NEGR1: variants seen among roughly 807,000 people sequenced by gnomAD.
NEGR1 encodes IgLON family member 4.
In NEGR1, 10 loss-of-function variants were observed where a neutral mutation model predicts 40.9. The ratio of observed to expected loss-of-function variants is 0.24; its 90% CI spans 0.15 to 0.42. The LOEUF is 0.42. Ranked by LOEUF, NEGR1 falls within the 10% of genes least tolerant of loss-of-function variation. The pLI, the probability that NEGR1 is intolerant of heterozygous loss-of-function variation, is 1.00. For missense variants in NEGR1, 352 were observed against 438.9 expected (o/e 0.80, Z 1.77); for synonymous variants, 185 against 166.8 (o/e 1.11, Z -0.84).
At position 71,910,379 on chromosome 1, in the gene NEGR1, C is replaced by T. The variant is rs531906114; in HGVS notation, c.409+24700G>A. Among the ~76,000 whole-genome samples the T allele has an allele frequency of 1.6e-3, 250 of 152,262 alleles. 1 individual carries two copies. Among genetic ancestry groups the T allele is most frequent in the Middle Eastern group, 0.01 (3 of 294 alleles). The stretch of plus-strand genomic sequence containing the variant: ...TTGCAGGTAACGAAATACCTGGATA[C>T]CTAATAAGTACCAACAACCCTCAAA... On this transcript the variant is annotated intron_variant, in intron 2 of 6. Transcript: ENST00000357731.
chr1:71,464,450 C>G, intron 6 of NEGR1, among the ~76,000 whole-genome samples: 1 of 152,124 alleles, frequency 6.6e-6, no homozygotes, highest in East Asian at 1.9e-4. Context: ...AAGCAACAAA[C>G]AATATCTAAT....
intron 6 of NEGR1, among the ~76,000 whole-genome samples, chr1:71,575,985 C>G (rs532373936): frequency 1.3e-5 from 2 of 152,260 alleles, no homozygotes; most frequent in South Asian, 4.1e-4. Context: ...TGTCCCCAGT[C>G]TGCAGCGGTA....
At chr1:72,053,414 CT>C (rs1219854099) in intron 1 of NEGR1, among the ~76,000 whole-genome samples, 9 of 150,400 alleles carry the variant, frequency 6.0e-5, no homozygotes, top group Non-Finnish European at 1.0e-4. Context: ...CAAAAATATA[CT>C]TTATACAATA....
chr1:71,629,172 CT>C (rs1168613476), intron 4 of NEGR1, among the ~76,000 whole-genome samples: 3 of 152,030 alleles, frequency 2.0e-5, no homozygotes, highest in African/African-American at 4.8e-5. Flanking sequence ...TGATAATGAG[CT>C]TTTTTTCATA....
chr1:72,126,088 AGTAT>A (rs1402312436), intron 1 of NEGR1, among the ~76,000 whole-genome samples: 125 of 129,416 alleles, frequency 9.7e-4, no homozygotes, highest in South Asian at 7.9e-3. Context: ...ATTAGAGAAA[AGTAT>A]GTGTGTGTGT....
chr1:71,985,261 A>G (rs1159981181), intron 1 of NEGR1, among the ~76,000 whole-genome samples: 1 of 152,210 alleles, frequency 6.6e-6, no homozygotes, highest in African/African-American at 2.4e-5. Flanking sequence ...TCATATGTTA[A>G]AATTTGAAAT....
intron 1 of NEGR1, among the ~76,000 whole-genome samples, chr1:72,162,830 T>C (rs573315139): frequency 6.6e-6 from 1 of 152,284 alleles, no homozygotes; most frequent in East Asian, 1.9e-4. Flanking sequence ...TAAGTGACTG[T>C]TCATTAAACA....
At chr1:72,056,911 C>T (rs1294593657) in intron 1 of NEGR1, among the ~76,000 whole-genome samples, 30 of 151,554 alleles carry the variant, frequency 2.0e-4, no homozygotes, top group Non-Finnish European at 3.0e-5. Flanking sequence ...TTATATTACA[C>T]ATGGATCCTT....
chr1:72,012,253 A>G (rs957477527), intron 1 of NEGR1, among the ~76,000 whole-genome samples: 4 of 152,104 alleles, frequency 2.6e-5, no homozygotes, highest in African/African-American at 9.7e-5. Context: ...ATTAGTGTCA[A>G]AGCACGCCCC....
chr1:71,963,238 A>T (rs1453625914), intron 1 of NEGR1, among the ~76,000 whole-genome samples: 1 of 151,986 alleles, frequency 6.6e-6, no homozygotes. Flanking sequence ...GTACCTGAAG[A>T]TTCATTCACA....
At chr1:71,673,361 C>T (rs1474214037) in intron 4 of NEGR1, among the ~76,000 whole-genome samples, 6 of 152,204 alleles carry the variant, frequency 3.9e-5, no homozygotes. Context: ...ATCCTTTGTT[C>T]ACACTTTATC....
intron 1 of NEGR1, among the ~76,000 whole-genome samples, chr1:72,087,617 A>AT (rs895831194): frequency 2.6e-5 from 4 of 151,518 alleles, no homozygotes; most frequent in African/African-American, 7.3e-5. Context: ...TTATTTATGT[A>AT]TTTTTTTATG....
intron 4 of NEGR1, among the ~76,000 whole-genome samples, chr1:71,613,138 G>A (rs141078898): frequency 6.6e-6 from 1 of 152,294 alleles, no homozygotes; most frequent in African/African-American, 2.4e-5. Context: ...AATGCAGTAA[G>A]CAAGGCAAAT....
At chr1:72,015,039 A>G (rs1646696591) in intron 1 of NEGR1, among the ~76,000 whole-genome samples, 1 of 152,142 alleles carries the variant, frequency 6.6e-6, no homozygotes, top group Non-Finnish European at 1.5e-5. Flanking sequence ...ACTGTGTTCA[A>G]TATAATACTA....
At chr1:72,095,789 C>G (rs1026143942) in intron 1 of NEGR1, among the ~76,000 whole-genome samples, 15 of 152,074 alleles carry the variant, frequency 9.9e-5, no homozygotes, top group Admixed American at 4.6e-4. Flanking sequence ...TGATAGCAAG[C>G]CTTAACCCAA....
At chr1:71,977,036 A>G (rs963220652) in intron 1 of NEGR1, among the ~76,000 whole-genome samples, 2 of 152,206 alleles carry the variant, frequency 1.3e-5, no homozygotes, top group Non-Finnish European at 2.9e-5. Flanking sequence ...ATAAAACTAG[A>G]AAGTGGCTGG....
At chr1:72,033,463 T>A (rs1646876395) in intron 1 of NEGR1, among the ~76,000 whole-genome samples, 1 of 152,204 alleles carries the variant, frequency 6.6e-6, no homozygotes, top group African/African-American at 2.4e-5. Flanking sequence ...GTTAGAATTT[T>A]ATTCCAATAC....
intron 1 of NEGR1, among the ~76,000 whole-genome samples, chr1:72,213,154 T>A (rs1653673366): frequency 6.6e-6 from 1 of 151,968 alleles, no homozygotes; most frequent in Admixed American, 6.6e-5. Context: ...CAAGGACATA[T>A]AAAATTCTAA....
chr1:71,979,651 AG>A (rs1358741918), intron 1 of NEGR1, among the ~76,000 whole-genome samples: 1 of 152,172 alleles, frequency 6.6e-6, no homozygotes, highest in African/African-American at 2.4e-5. Flanking sequence ...GTAAATGAAA[AG>A]TTTTTGATGA....
Sources: allele counts gnomAD v4.1 joint callset (sites outside exome capture counted in the v4.1 genomes callset), GRCh38; gene constraint gnomAD v4.1.1; transcripts MANE v1.5; gene names NCBI Gene and HGNC (gene_info 2026-07-23, HGNC 2026-07-21).